The following SLC9C2 variants were observed in gnomAD, a reference collection of about 807,000 sequenced individuals.
SLC9C2 encodes sodium/hydrogen exchanger 11.
SLC9C2 carries 75 observed loss-of-function variants against 140.2 expected under a neutral mutation model. The observed-to-expected ratio is 0.53, with a 90% confidence interval of 0.44 to 0.65. The LOEUF is 0.65. Among genes scored for constraint, SLC9C2 ranks in the 30% least tolerant of loss-of-function variants. The pLI is 0.00. For missense variants in SLC9C2, 1,074 were observed against 1,331.8 expected, an observed-to-expected ratio of 0.81 and a Z score of 3.01; for synonymous variants, 375 against 420.9, an observed-to-expected ratio of 0.89 and a Z score of 1.34.
At chr1:173,565,770 T>C (rs1664427681) in intron 9 of SLC9C2, among the ~76,000 whole-genome samples, 1 of 152,228 alleles carries the variant, frequency 6.6e-6, no homozygotes, top group Admixed American at 6.5e-5. Flanking sequence ...TTGATAGAGG[T>C]TGCATTGAAT....
At chr1:173,588,371 A>T (rs10082296) in intron 4 of SLC9C2, among the ~76,000 whole-genome samples, 1,756 of 152,318 alleles carry the variant, frequency 0.012, 44 homozygotes, top group African/African-American at 0.041. Context: ...CCCAAGTATA[A>T]GAAAGTATTT....
Position 173,524,938 on chromosome 1 carries a change from GA to G in SLC9C2, c.2366-12del. 6.2e-7 allele frequency: 1 copy of G among 1,611,762 alleles called. No individual in the cohort carries two copies. The highest frequency in any genetic ancestry group is 8.5e-7 in the Non-Finnish European group (1 of 1,178,838). ...CATGCTCCATGAGTACTACAGCAAA[GA>G]AAATAAAATTCAGTAAGTGGCCTAT... On this transcript the variant is annotated splice_polypyrimidine_tract_variant and intron_variant, in intron 19 of 27. Coordinates refer to ENST00000367714, the MANE Select transcript of SLC9C2 (RefSeq NM_178527.4).
intron 8 of SLC9C2, among the ~76,000 whole-genome samples, chr1:173,574,423 A>G (rs1665030234): frequency 6.6e-6 from 1 of 151,640 alleles, no homozygotes; most frequent in African/African-American, 2.4e-5. Context: ...ACTGGGGAAG[A>G]GTTTGAGTGA....
At chr1:173,555,391 C>A (rs1663602508) in intron 10 of SLC9C2, 1 of 152,320 alleles carries the variant, frequency 6.6e-6, no homozygotes, top group Non-Finnish European at 1.5e-5. Context: ...AACCACCACT[C>A]AGAGCCACAG....
At chr1:173,592,347 CT>C (rs1408491317) in intron 4 of SLC9C2, among the ~76,000 whole-genome samples, 7 of 152,108 alleles carry the variant, frequency 4.6e-5, no homozygotes, top group Non-Finnish European at 1.0e-4. Context: ...TATTTGGGGT[CT>C]TTTTTGGTTC....
chr1:173,531,375 G>A (rs1661574374), intron 17 of SLC9C2, among the ~76,000 whole-genome samples: 1 of 152,120 alleles, frequency 6.6e-6, no homozygotes. Flanking sequence ...GTGGGATCAG[G>A]GGAAAGCAAA....
chr1:173,513,197 T>A (rs577348443), intron 23 of SLC9C2, among the ~76,000 whole-genome samples: 26 of 152,318 alleles, frequency 1.7e-4, no homozygotes, highest in Middle Eastern at 6.8e-3. Context: ...TAGGGAGGTG[T>A]CCCACCTTTT....
At chr1:173,601,108 G>A (rs527615873) in intron 2 of SLC9C2, among the ~76,000 whole-genome samples, 2 of 152,134 alleles carry the variant, frequency 1.3e-5, no homozygotes, top group Non-Finnish European at 2.9e-5. Context: ...TCTTGGGGTT[G>A]GGGTGGGTTA....
chr1:173,590,242 CAAA>C (rs1276203820), intron 4 of SLC9C2, among the ~76,000 whole-genome samples: 2 of 95,522 alleles, frequency 2.1e-5, no homozygotes, highest in Non-Finnish European at 2.5e-5. Context: ...GACTCCATCT[CAAA>C]AAAAAAAAAA....
Position 173,576,711 on chromosome 1 carries a change from C to T in SLC9C2, c.852G>A (p.Leu284=). 1.2e-6 allele frequency: 2 copies of T among 1,610,080 alleles called. No individual in the cohort carries two copies. The highest frequency in any genetic ancestry group is 1.7e-6 in the Non-Finnish European group (2 of 1,179,102). ...SGTLALAAVG[L]NLDSLTFKPK... ...GTTTAAAAGTTAAAGAATCTAAATT[C>T]AGTCCTACAGCGGCTAAGGCAAGAG... The change falls in exon 8 of 28, where the codon CTG becomes CTA. Residue 284 remains leucine (L), a synonymous_variant. Transcript: ENST00000367714.
At chr1:173,592,654 C>T (rs1048218511) in intron 4 of SLC9C2, among the ~76,000 whole-genome samples, 8 of 152,128 alleles carry the variant, frequency 5.3e-5, no homozygotes, top group African/African-American at 1.9e-4. Flanking sequence ...TGGCTCTCAG[C>T]TTGGCTGTTT....
chr1:173,586,710 T>A (rs1376917583), intron 5 of SLC9C2, among the ~76,000 whole-genome samples: 1 of 152,190 alleles, frequency 6.6e-6, no homozygotes, highest in African/African-American at 2.4e-5. Context: ...TAAAAAGGAA[T>A]GAGATCATGT....
intron 7 of SLC9C2, among the ~76,000 whole-genome samples, chr1:173,577,817 AGAG>A (rs1271065283): frequency 2.0e-5 from 3 of 152,218 alleles, no homozygotes; most frequent in Admixed American, 6.5e-5. Flanking sequence ...ATTAATTTAA[AGAG>A]GAGTTTACTA....
chr1:173,568,678 C>T (rs1458687747), intron 9 of SLC9C2, among the ~76,000 whole-genome samples: 1 of 152,108 alleles, frequency 6.6e-6, no homozygotes, highest in Non-Finnish European at 1.5e-5. Context: ...ATGGCAGTTC[C>T]TCTTTTAGCT....
intron 23 of SLC9C2, among the ~76,000 whole-genome samples, chr1:173,511,029 C>CTTTTTTTTTTTTTTTTTTTTTTT (rs71111066): frequency 2.3e-5 from 2 of 86,738 alleles, no homozygotes; most frequent in African/African-American, 1.1e-4. Context: ...CTTTCTTTTC[C>CTTTTTTTTTTTTTTTTTTTTTTT]TTTTTTTTTT....
intron 7 of SLC9C2, among the ~76,000 whole-genome samples, chr1:173,578,064 CTT>C (rs1280160380): frequency 1.3e-5 from 2 of 152,160 alleles, no homozygotes; most frequent in African/African-American, 4.8e-5. Context: ...TGTTTGTAGA[CTT>C]TTAAAACAAT....
At chr1:173,551,455 C>A (rs1663303448) in intron 11 of SLC9C2, among the ~76,000 whole-genome samples, 1 of 152,186 alleles carries the variant, frequency 6.6e-6, no homozygotes, top group South Asian at 2.1e-4. Context: ...ACAGTTCTTA[C>A]AAATTGAAGG....
At chr1:173,593,249 C>T (rs559741641) in intron 4 of SLC9C2, among the ~76,000 whole-genome samples, 15 of 152,244 alleles carry the variant, frequency 9.9e-5, no homozygotes, top group Middle Eastern at 3.4e-3. Flanking sequence ...TGGCCTGGCG[C>T]GGTGGCTTAT....
chr1:173,506,550 C>T (rs920902707), intron 25 of SLC9C2, among the ~76,000 whole-genome samples: 10 of 152,208 alleles, frequency 6.6e-5, no homozygotes, highest in African/African-American at 2.2e-4. Context: ...GTTGCCTTGG[C>T]GTAAACTAGG....
Sources: allele counts gnomAD v4.1 joint callset (sites outside exome capture counted in the v4.1 genomes callset), GRCh38; gene constraint gnomAD v4.1.1; transcripts MANE v1.5; gene names NCBI Gene and HGNC (gene_info 2026-07-23, HGNC 2026-07-21).